FAT3: variants seen among roughly 807,000 people sequenced by gnomAD.
FAT3 encodes the protein FAT atypical cadherin 3, also known as protocadherin Fat 3.
FAT3 carries 95 observed loss-of-function variants against 310.2 expected under a neutral mutation model. That is an observed-to-expected ratio of 0.31 (90% CI 0.26 to 0.36). FAT3 has a LOEUF of 0.36. Among genes scored for constraint, FAT3 ranks in the 10% least tolerant of loss-of-function variants. The pLI is 1.00. For synonymous variants in FAT3, 2,314 were observed against 2,192.9 expected, an observed-to-expected ratio of 1.06 and a Z score of -1.54; for missense variants, 5,408 against 5,715.6, an observed-to-expected ratio of 0.95 and a Z score of 1.74.
chr11:92,685,250 C>T (rs1177586006), intron 3 of FAT3, among the ~76,000 whole-genome samples: 1 of 152,100 alleles, frequency 6.6e-6, no homozygotes, highest in Non-Finnish European at 1.5e-5. Flanking sequence ...CAAAAAGAAT[C>T]AAGATAAACT....
Position 92,709,473 on chromosome 11 carries a change from C to T in FAT3, c.3669+12028C>T, listed in dbSNP as rs1944456403. 2.6e-5 allele frequency among the ~76,000 whole-genome samples: 4 copies of T among 152,310 alleles called. No individual in the cohort carries two copies. The South Asian group carries it at 8.3e-4, about 32-fold the overall frequency. On this transcript the variant is annotated intron_variant, in intron 4 of 27. Coordinates refer to ENST00000525166, the MANE Select transcript of FAT3 (RefSeq NM_001367949.2). ...CATTAGCAAGCTGCAAGATGAGCTC[C>T]ACTGAGATTTCTAATCCTCTGTCTT...
intron 2 of FAT3, among the ~76,000 whole-genome samples, chr11:92,417,648 C>T (rs1035013556): frequency 2.0e-5 from 3 of 152,104 alleles, no homozygotes; most frequent in African/African-American, 7.2e-5. Context: ...GGAAAAAATA[C>T]ACAATGGAAA....
intron 1 of FAT3, among the ~76,000 whole-genome samples, chr11:92,286,838 C>T (rs1405882723): frequency 6.6e-6 from 1 of 152,162 alleles, no homozygotes; most frequent in East Asian, 1.9e-4. Flanking sequence ...ATGCATCAAA[C>T]TGACTTCAAG....
At chr11:92,416,071 T>TAAA (rs398017104) in intron 2 of FAT3, among the ~76,000 whole-genome samples, 6 of 73,872 alleles carry the variant, frequency 8.1e-5, no homozygotes, top group African/African-American at 1.1e-4. Context: ...CCTGGAAGCC[T>TAAA]AAAAAAAAAA....
At chr11:92,463,617 G>A (rs1041483575) in intron 2 of FAT3, among the ~76,000 whole-genome samples, 1 of 152,066 alleles carries the variant, frequency 6.6e-6, no homozygotes, top group African/African-American at 2.4e-5. Context: ...GAATTGACTT[G>A]GGGAGTTTAT....
At chr11:92,330,592 A>C (rs868295787) in intron 1 of FAT3, among the ~76,000 whole-genome samples, 33 of 152,170 alleles carry the variant, frequency 2.2e-4, no homozygotes, top group Middle Eastern at 3.4e-3. Context: ...CAGAAGTACA[A>C]CTCAGGTCTT....
chr11:92,257,428 G>A (rs565512296), intron 1 of FAT3, among the ~76,000 whole-genome samples: 3 of 152,106 alleles, frequency 2.0e-5, no homozygotes, highest in African/African-American at 4.8e-5. Context: ...AATTGCTGGA[G>A]AGTGAACTAT....
chr11:92,424,591 A>G (rs1950593013), intron 2 of FAT3, among the ~76,000 whole-genome samples: 1 of 152,180 alleles, frequency 6.6e-6, no homozygotes, highest in African/African-American at 2.4e-5. Flanking sequence ...GTAGACTGCA[A>G]TAGAGTGGCT....
intron 2 of FAT3, among the ~76,000 whole-genome samples, chr11:92,397,101 C>G (rs1949886552): frequency 6.6e-6 from 1 of 152,166 alleles, no homozygotes; most frequent in Non-Finnish European, 1.5e-5. Flanking sequence ...ACAATCCTAT[C>G]TTACAGGAAT....
At chr11:92,757,557 A>G (rs17542636) in intron 4 of FAT3, among the ~76,000 whole-genome samples, 1,804 of 152,278 alleles carry the variant, frequency 0.012, 16 homozygotes, top group Non-Finnish European at 0.02. Flanking sequence ...GGCCTAACGT[A>G]TTATGAAGTC....
At chr11:92,715,312 G>A (rs909471567) in intron 4 of FAT3, among the ~76,000 whole-genome samples, 1 of 151,776 alleles carries the variant, frequency 6.6e-6, no homozygotes. Context: ...GGAGGCTGAG[G>A]CAGGAGAATG....
intron 3 of FAT3, among the ~76,000 whole-genome samples, chr11:92,535,668 A>G (rs1157404370): frequency 6.6e-6 from 1 of 152,172 alleles, no homozygotes; most frequent in Non-Finnish European, 1.5e-5. Flanking sequence ...AGTACTTATG[A>G]TCTAGTTGAA....
intron 3 of FAT3, among the ~76,000 whole-genome samples, chr11:92,592,957 C>T (rs533105): frequency 0.21 from 32,217 of 151,980 alleles, 4,049 homozygotes; most frequent in African/African-American, 0.35. Flanking sequence ...ACTCGTTAAA[C>T]AGCTCCCCAT....
intron 1 of FAT3, among the ~76,000 whole-genome samples, chr11:92,305,644 A>G (rs1355665789): frequency 6.6e-6 from 1 of 152,130 alleles, no homozygotes; most frequent in Non-Finnish European, 1.5e-5. Flanking sequence ...ATACAGGTGA[A>G]AGAACATCAC....
intron 13 of FAT3, among the ~76,000 whole-genome samples, chr11:92,829,859 A>T (rs1407456025): frequency 6.6e-6 from 1 of 152,204 alleles, no homozygotes. Context: ...TTTTGGTTAA[A>T]GCCACATAAT....
intron 4 of FAT3, among the ~76,000 whole-genome samples, chr11:92,753,798 G>GTGTGTGTGTGTGTATATATATA: frequency 8.4e-6 from 1 of 119,116 alleles, no homozygotes; most frequent in Non-Finnish European, 1.7e-5. Context: ...GTGTGTGTGT[G>GTGTGTGTGTGTGTATATATATA]TATATATATA....
At chr11:92,493,333 T>G (rs1173935903) in intron 2 of FAT3, among the ~76,000 whole-genome samples, 1 of 152,106 alleles carries the variant, frequency 6.6e-6, no homozygotes, top group Non-Finnish European at 1.5e-5. Context: ...GCTGTTGGCC[T>G]TACTCTGAGC....
At chr11:92,467,467 T>C (rs922741380) in intron 2 of FAT3, among the ~76,000 whole-genome samples, 12 of 152,220 alleles carry the variant, frequency 7.9e-5, no homozygotes, top group Admixed American at 3.9e-4. Flanking sequence ...TTAGCCCTTC[T>C]TCAGTCCCTA....
At chr11:92,566,693 C>T (rs10765555) in intron 3 of FAT3, among the ~76,000 whole-genome samples, 149,905 of 149,956 alleles carry the variant, frequency 1, 74,927 homozygotes, top group Middle Eastern at 1. Context: ...AACAGAGATA[C>T]TGATCAATGG....
Sources: allele counts gnomAD v4.1 joint callset (sites outside exome capture counted in the v4.1 genomes callset), GRCh38; gene constraint gnomAD v4.1.1; transcripts MANE v1.5; gene names NCBI Gene and HGNC (gene_info 2026-07-23, HGNC 2026-07-21).